Variants in LRP1B observed in about 807,000 individuals in gnomAD.
The protein encoded by LRP1B is LDL receptor related protein 1B.
LRP1B carries 217 observed loss-of-function variants against 556.6 expected under a neutral mutation model. The ratio of observed to expected loss-of-function variants is 0.39; its 90% CI spans 0.35 to 0.44. The LOEUF is 0.44. Among genes scored for constraint, LRP1B ranks in the 20% least tolerant of loss-of-function variants. The pLI, the probability that LRP1B is intolerant of heterozygous loss-of-function variation, is 1.00. For missense variants in LRP1B, 5,053 were observed against 5,620.8 expected, an observed-to-expected ratio of 0.90 and a Z score of 3.23; for synonymous variants, 2,047 against 1,865.8, an observed-to-expected ratio of 1.10 and a Z score of -2.50.
chr2:141,111,065 G>C (rs2104965886), intron 7 of LRP1B, among the ~76,000 whole-genome samples: 1 of 152,268 alleles, frequency 6.6e-6, no homozygotes, highest in East Asian at 1.9e-4. Context: ...CATGAAATAA[G>C]CTAAATCAGT....
intron 72 of LRP1B, among the ~76,000 whole-genome samples, chr2:140,360,538 CGCT>C (rs924669518): frequency 6.6e-6 from 1 of 151,564 alleles, no homozygotes; most frequent in Admixed American, 6.6e-5. Context: ...TATATCTTCA[CGCT>C]GCTGCTATTT....
intron 2 of LRP1B, among the ~76,000 whole-genome samples, chr2:141,505,297 CA>C (rs140371902): frequency 0.012 from 1,791 of 152,104 alleles, 41 homozygotes; most frequent in African/African-American, 0.04. Context: ...TAAGTCTCAG[CA>C]AATCTTTTGT....
At chr2:141,259,761 C>A (rs1382832175) in intron 3 of LRP1B, among the ~76,000 whole-genome samples, 2 of 152,200 alleles carry the variant, frequency 1.3e-5, no homozygotes, top group African/African-American at 4.8e-5. Context: ...GCTCTCATTA[C>A]ATGCTTTGCC....
chr2:140,476,432 A>G (rs1054672091), intron 59 of LRP1B, among the ~76,000 whole-genome samples: 1 of 152,036 alleles, frequency 6.6e-6, no homozygotes, highest in Non-Finnish European at 1.5e-5. Flanking sequence ...TAAAACTGGT[A>G]TATTCAATTC....
At chr2:141,616,959 C>G (rs1338123744) in intron 2 of LRP1B, among the ~76,000 whole-genome samples, 1 of 152,194 alleles carries the variant, frequency 6.6e-6, no homozygotes, top group African/African-American at 2.4e-5. Flanking sequence ...AGTCCTCTCC[C>G]CAGATCTCTG....
At chr2:140,747,854 T>G (rs144552995) in intron 35 of LRP1B, among the ~76,000 whole-genome samples, 83 of 151,940 alleles carry the variant, frequency 5.5e-4, no homozygotes, top group African/African-American at 1.9e-3. Flanking sequence ...GTGTAAAGCA[T>G]TGAAATGAGT....
chr2:141,901,959 C>T (rs1699630473), intron 1 of LRP1B, among the ~76,000 whole-genome samples: 1 of 37,386 alleles, frequency 2.7e-5, no homozygotes, highest in African/African-American at 7.1e-5. Flanking sequence ...GTGATTGTAT[C>T]TTTCTTCATA....
intron 3 of LRP1B, among the ~76,000 whole-genome samples, chr2:141,440,721 T>C (rs62168029): frequency 0.096 from 14,684 of 152,290 alleles, 1,062 homozygotes; most frequent in Non-Finnish European, 0.14. Context: ...TCCCATTTTC[T>C]CTCATCACAA....
chr2:141,353,586 G>A (rs533962632), intron 3 of LRP1B, among the ~76,000 whole-genome samples: 7 of 152,054 alleles, frequency 4.6e-5, no homozygotes, highest in Non-Finnish European at 1.0e-4. Flanking sequence ...ATTGGGAACT[G>A]TGAATAAACA....
intron 84 of LRP1B, among the ~76,000 whole-genome samples, chr2:140,284,884 A>G (rs984320272): frequency 6.8e-6 from 1 of 146,268 alleles, no homozygotes; most frequent in Non-Finnish European, 1.5e-5. Context: ...ATCTATCTAT[A>G]TCTATATATG....
chr2:141,779,726 T>C lies in LRP1B; in HGVS notation c.205+30553A>G, dbSNP rs1285980693. ...AACAACCTACTGTTCTAGGTATTGTTTCCATTGTATAGATAGGAAATTGAA... is the reference window on the plus strand; with the variant it reads ...AACAACCTACTGTTCTAGGTATTGTCTCCATTGTATAGATAGGAAATTGAA... On this transcript the variant is annotated intron_variant, in intron 2 of 90. Coordinates refer to ENST00000389484, the MANE Select transcript of LRP1B (RefSeq NM_018557.3). 2.6e-5 allele frequency among the ~76,000 whole-genome samples: 4 copies of C among 152,232 alleles called. No individual in the cohort carries two copies. The East Asian group carries it at 5.8e-4, about 22-fold the overall frequency.
intron 3 of LRP1B, among the ~76,000 whole-genome samples, chr2:141,353,553 C>T (rs1381831042): frequency 3.3e-5 from 5 of 151,824 alleles, no homozygotes; most frequent in South Asian, 2.1e-4. Flanking sequence ...TTTGCAAATA[C>T]GTTTTGATCT....
chr2:141,971,389 A>G (rs1558995095), intron 1 of LRP1B, among the ~76,000 whole-genome samples: 1 of 151,454 alleles, frequency 6.6e-6, no homozygotes, highest in Admixed American at 6.6e-5. Flanking sequence ...TATCCTAAGG[A>G]CATCCTTGTC....
At chr2:140,238,900 A>C (rs1680827807) in intron 88 of LRP1B, among the ~76,000 whole-genome samples, 1 of 150,854 alleles carries the variant, frequency 6.6e-6, no homozygotes, top group African/African-American at 2.4e-5. Flanking sequence ...AATGGACATT[A>C]TTTCACGTCC....
chr2:141,017,782 C>CTCCTG (rs1286095043), intron 12 of LRP1B, among the ~76,000 whole-genome samples: 2 of 151,398 alleles, frequency 1.3e-5, no homozygotes, highest in Non-Finnish European at 2.9e-5. Flanking sequence ...ATTGCTTGAG[C>CTCCTG]CCAGGAGTTT....
chr2:140,650,652 A>T (rs1245026123), intron 41 of LRP1B, among the ~76,000 whole-genome samples: 1 of 152,120 alleles, frequency 6.6e-6, no homozygotes, highest in Non-Finnish European at 1.5e-5. Flanking sequence ...CCCGGCCGAC[A>T]GTTAAATCAT....
chr2:140,862,104 C>T (rs1319885509), intron 27 of LRP1B, among the ~76,000 whole-genome samples: 1 of 152,120 alleles, frequency 6.6e-6, no homozygotes, highest in Admixed American at 6.6e-5. Context: ...TAGACCAAAG[C>T]TTCCTTCCTT....
intron 7 of LRP1B, among the ~76,000 whole-genome samples, chr2:141,071,682 A>C (rs186830250): frequency 2.0e-3 from 310 of 152,310 alleles, no homozygotes; most frequent in African/African-American, 7.1e-3. Context: ...CAATGTACAA[A>C]AAGCACAAGC....
At chr2:141,806,759 T>C (rs1696179839) in intron 2 of LRP1B, among the ~76,000 whole-genome samples, 1 of 152,078 alleles carries the variant, frequency 6.6e-6, no homozygotes, top group Non-Finnish European at 1.5e-5. Context: ...TATTGTTCTG[T>C]ACATATGTTT....
Sources: allele counts gnomAD v4.1 joint callset (sites outside exome capture counted in the v4.1 genomes callset), GRCh38; gene constraint gnomAD v4.1.1; transcripts MANE v1.5; gene names NCBI Gene and HGNC (gene_info 2026-07-23, HGNC 2026-07-21).